The following COL5A3 variants were observed in gnomAD, a reference collection of about 807,000 sequenced individuals.
The protein encoded by COL5A3 is collagen alpha-3(V) chain.
Under a neutral mutation model 250.0 loss-of-function variants are expected in COL5A3, and 172 were observed. The ratio of observed to expected loss-of-function variants is 0.69; its 90% confidence interval spans 0.61 to 0.78. The LOEUF (loss-of-function observed/expected upper bound fraction) is 0.78. Ranked by LOEUF, COL5A3 falls within the 30% of genes least tolerant of loss-of-function variation. The probability of loss-of-function intolerance (pLI) is 0.00; values close to 1 mark genes in which losing one functional copy is unlikely to be tolerated. For missense variants in COL5A3, 2,340 were observed against 2,334.4 expected (o/e 1.00, Z -0.05); for synonymous variants, 937 against 900.4 (o/e 1.04, Z -0.73).
In COL5A3 at chr19:9,977,626, G is replaced by A; in HGVS notation, c.3094C>T (p.Pro1032Ser). 1 of 1,605,638 alleles carries A rather than the reference G, an allele frequency of 6.2e-7. No individual in the cohort carries two copies. Among genetic ancestry groups the A allele is most frequent in the Non-Finnish European group, 8.5e-7 (1 of 1,175,646 alleles). The change falls in exon 42 of 67, where the codon CCC becomes TCC. Residue 1032 changes from proline (P) to serine (S), a missense_variant. By Grantham distance (74) the Pro-to-Ser change is moderately conservative. This residue lies in a region of COL5A3 where 1,179 missense variants were observed against 1,162.6 expected (regional missense o/e 1.01). Transcript: ENST00000264828. ...CCCTTCTTGCCTGCAGGGCCAACGG[G>A]GCCTTCGCTGCCACTTTGGCCAGGA... The part of the protein sequence containing the change: ...GLPGQSGSEG[P>S]VGPAGKKGSR...
chr19:9,976,919 C>T (rs1048349932), intron 44 of COL5A3, among the ~76,000 whole-genome samples: 2 of 152,000 alleles, frequency 1.3e-5, no homozygotes, highest in African/African-American at 4.8e-5. Context: ...TGCTTCAGTG[C>T]CTGCCACGCA....
chr19:9,968,724 G>A lies in COL5A3; in HGVS notation c.4157C>T (p.Pro1386Leu), dbSNP rs781254754. ...TCCCTTCAGCCCTGGGAGGCCAGAG[G>A]GCCCCTGGGAGAAGAGCAAGGGTCA... Reference protein sequence around the residue: ...GQMGPPGPLGPSGLPGLKGDT... With the variant: ...GQMGPPGPLGLSGLPGLKGDT... Residue 1386 changes from proline to leucine, a missense_variant, in exon 58 of 67, where the codon CCC becomes CTC. By Grantham distance (98) the Pro-to-Leu change is moderately conservative (BLOSUM62 -3). Coordinates refer to ENST00000264828, the MANE Select transcript of COL5A3 (RefSeq NM_015719.4). This position sits in a 1 kb window ranked among gnomAD's most constrained non-coding sequence, Gnocchi z 4.1. The A allele has an allele frequency of 6.2e-7, 1 of 1,607,196 alleles. No homozygotes were observed. The highest frequency in any genetic ancestry group is 1.1e-5 in the South Asian group (1 of 89,690).
Position 9,996,227 on chromosome 19 carries a change from G to A in COL5A3, c.1458C>T (p.Leu486=). ...SMKGPPGPVG[L]TGRPGPVGLP... ...TCACCACAGGGCCTGGGCGCCCAGT[G>A]AGCCCCACTGGACCAGGGGGGCCTT... The change falls in exon 14 of 67, where the codon CTC becomes CTT. Residue 486 remains leucine (L), a synonymous_variant. Transcript: ENST00000264828. 1.3e-6 allele frequency: 2 copies of A among 1,577,268 alleles called. No homozygotes were observed. Among genetic ancestry groups the A allele is most frequent in the Non-Finnish European group, 1.7e-6 (2 of 1,163,902 alleles).
In COL5A3 at chr19:9,966,377, C is replaced by T. The variant is rs139736960; in HGVS notation, c.4719G>A (p.Arg1573=). 7,094 of 1,610,094 alleles carry T rather than the reference C, an allele frequency of 4.4e-3. 62 individuals carry two copies. The highest frequency in any genetic ancestry group is 4.2e-3 in the Non-Finnish European group (4,976 of 1,177,610). ...CTCCCGCCGTGAAGTTGCAAAAAAC[C>T]CTGAACGAGTCCCGCGCGCAGCCCT... The part of the protein sequence containing the change: ...PNQGCARDSF[R]VFCNFTAGGE... Residue 1573 remains arginine (R), a synonymous_variant, in exon 64 of 67, where the codon AGG becomes AGA. Transcript: ENST00000264828.
intron 52 of COL5A3, 41 bp from the exon 53 acceptor site, chr19:9,971,069 T>C: frequency 6.7e-7 from 1 of 1,483,364 alleles, no homozygotes; most frequent in South Asian, 1.4e-5. Flanking sequence ...GTGATGAGGG[T>C]ACGTGAGAAT....
intron 19 of COL5A3, 51 bp from the exon 20 acceptor site, chr19:9,993,118 G>A: frequency 6.3e-7 from 1 of 1,587,792 alleles, no homozygotes; most frequent in Non-Finnish European, 8.6e-7. Context: ...CCCTCGGAGA[G>A]CCACCTCCCC....
intron 1 of COL5A3, among the ~76,000 whole-genome samples, chr19:10,006,979 C>T (rs944345818): frequency 2.6e-5 from 4 of 151,362 alleles, no homozygotes; most frequent in East Asian, 1.9e-4. Flanking sequence ...TCAGACTTTG[C>T]CCTCTGACCT....
Position 10,005,982 on chromosome 19 carries a change from C to G in COL5A3, c.251G>C (p.Gly84Ala). 1 of 1,613,012 alleles carries G rather than the reference C, an allele frequency of 6.2e-7. No homozygotes were observed. Among genetic ancestry groups the G allele is most frequent in the Non-Finnish European group, 8.5e-7 (1 of 1,179,144 alleles). Residue 84 changes from glycine to alanine, a missense_variant, in exon 3 of 67, where the codon GGC becomes GCC. By Grantham distance (60) the Gly-to-Ala change is moderately conservative. Coordinates refer to ENST00000264828, the MANE Select transcript of COL5A3 (RefSeq NM_015719.4). ...CAAGGAGAAGTTCTCAGGAAAGTGG[C>G]CTTCTGGGTGGGCAGAGGGAACAAG... ...GIPTWELFPEGHFPENFSLLI... is the reference protein window; with the variant it reads ...GIPTWELFPEAHFPENFSLLI...
intron 10 of COL5A3, among the ~76,000 whole-genome samples, chr19:9,997,650 G>A (rs1018760914): frequency 6.6e-6 from 1 of 151,930 alleles, no homozygotes; most frequent in African/African-American, 2.4e-5. Flanking sequence ...CACCCATGCT[G>A]GAGTGCAGTG....
rs2086937613 is a variant in COL5A3 at position 9,977,371 on chromosome 19, C to T, written c.3228G>A (p.Gly1076=). Residue 1076 remains glycine, a synonymous_variant, in exon 43 of 67, where the codon GGG becomes GGA. Transcript: ENST00000264828. ...CTCTCTGTGAACCCCTCACCTTGTC[C>T]CCTTCCTCGCCAGAAGGCCCAGCAG... ...PGAAGPSGEE[G]DKGDVGAPGH... The T allele has an allele frequency of 3.1e-6, 5 of 1,592,468 alleles. No homozygotes were observed. The East Asian group carries it at 6.7e-5, about 21-fold the overall frequency.
rs756682860 is a variant in COL5A3, at chr19:9,960,507, C to CT, written c.5141_5142insA (p.Phe1716IlefsTer11). On this transcript the variant is annotated frameshift_variant, in exon 67 of 67. Transcript: ENST00000264828. LOFTEE classifies it low-confidence loss of function (END_TRUNC). ...CCACATCCCACAGGGGCAGAAATCC[C>CT]GCTCGAGAAGAGCTGAATTCGAAAA... 3 of 1,614,170 alleles carry CT rather than the reference C, an allele frequency of 1.9e-6. No individual in the cohort carries two copies. Among genetic ancestry groups the CT allele is most frequent in the Admixed American group, 1.7e-5 (1 of 60,006 alleles).
At chr19:9,998,253 C>CACACACACAT (rs2087302613) in intron 8 of COL5A3, 104 bp from the exon 9 acceptor site, 3 of 1,130,636 alleles carry the variant, frequency 2.7e-6, no homozygotes, top group Non-Finnish European at 3.8e-6. Flanking sequence ...CACACACACA[C>CACACACACAT]ACACGGAGTC....
In COL5A3 at chr19:9,991,856, G is replaced by A. The variant is rs777220344; in HGVS notation, c.1894-15C>T. 2 of 1,607,604 alleles carry A rather than the reference G, an allele frequency of 1.2e-6. No homozygotes were observed. Among genetic ancestry groups the A allele is most frequent in the South Asian group, 2.2e-5 (2 of 89,914 alleles). On this transcript the variant is annotated splice_polypyrimidine_tract_variant and intron_variant, in intron 22 of 66. Coordinates refer to ENST00000264828, the MANE Select transcript of COL5A3 (RefSeq NM_015719.4). Reference sequence around the variant, plus strand: ...CCTGGAGGACCCTGGGGAGAAAGTGGGGTTTCAGTGAAGCTAAGAGGGGTC... The same window carrying A: ...CCTGGAGGACCCTGGGGAGAAAGTGAGGTTTCAGTGAAGCTAAGAGGGGTC...
intron 24 of COL5A3, 22 bp from the exon 25 acceptor site, chr19:9,989,544 G>T (rs1451317904): frequency 6.2e-7 from 1 of 1,602,490 alleles, no homozygotes; most frequent in South Asian, 1.1e-5. Flanking sequence ...TGAACAGCAG[G>T]GGAGAGACAG....
intron 49 of COL5A3, 31 bp downstream of exon 49, chr19:9,973,725 C>A (rs775682490): frequency 6.2e-7 from 1 of 1,613,788 alleles, no homozygotes; most frequent in East Asian, 2.2e-5. Flanking sequence ...TATCTCTTCC[C>A]CCCGTGCAGC....
In COL5A3 at chr19:10,006,205, C is replaced by T. The variant is rs1043025918; in HGVS notation, c.115G>A (p.Gly39Ser). ...ADPVDVLKALGVQGGQAGVPE... is the reference protein window; with the variant it reads ...ADPVDVLKALSVQGGQAGVPE... ...ACCCCAGCCTGGCCTCCCTGCACAC[C>T]CAGGGCCTTCAGGACATCCACAGGA... The change falls in exon 2 of 67, where the codon GGT (glycine) becomes AGT (serine). Residue 39 changes from glycine (G) to serine (S), a missense_variant. Coordinates refer to ENST00000264828, the MANE Select transcript of COL5A3 (RefSeq NM_015719.4). 8.7e-6 allele frequency: 14 copies of T among 1,603,126 alleles called. No individual in the cohort carries two copies. The East Asian group carries it at 2.9e-4, about 33-fold the overall frequency.
intron 54 of COL5A3, among the ~76,000 whole-genome samples, chr19:9,970,396 T>C (rs1599533719): frequency 2.0e-5 from 1 of 50,326 alleles, no homozygotes; most frequent in Non-Finnish European, 3.8e-5. Flanking sequence ...GTGGGGTGAG[T>C]GGGGTCTGTG....
chr19:9,976,462 G>A, intron 45 of COL5A3, 96 bp downstream of exon 45: 1 of 919,048 alleles, frequency 1.1e-6, no homozygotes, highest in Admixed American at 3.2e-5. Context: ...TTGGGTTTGA[G>A]GTTTGGATTA....
rs372440859 is a variant in COL5A3, at chr19:9,971,191, G to A, written c.3828+14C>T. 70 of 1,550,932 alleles carry A rather than the reference G, an allele frequency of 4.5e-5. No homozygotes were observed. The African/African-American group carries it at 9.2e-4, about 20-fold the overall frequency. On this transcript the variant is annotated intron_variant, in intron 52 of 66. Coordinates refer to ENST00000264828, the MANE Select transcript of COL5A3 (RefSeq NM_015719.4). Reference sequence around the variant, plus strand: ...TAGGAAATATGCCAGGATTGGGGAGGGGGTCACACTCACTGAAACTCCAGG... The same window carrying A: ...TAGGAAATATGCCAGGATTGGGGAGAGGGTCACACTCACTGAAACTCCAGG...
Sources: allele counts gnomAD v4.1 joint callset (sites outside exome capture counted in the v4.1 genomes callset), GRCh38; gene constraint gnomAD v4.1.1; regional missense constraint gnomAD v4.1.1; non-coding constraint Gnocchi (gnomAD v3.1); transcripts MANE v1.5; gene names NCBI Gene and HGNC (gene_info 2026-07-23, HGNC 2026-07-21).